BPIFB3: variants seen among roughly 807,000 people sequenced by gnomAD.
BPIFB3 encodes BPI fold containing family B member 3.
Under a neutral mutation model 53.1 loss-of-function variants are expected in BPIFB3, and 49 were observed. The observed-to-expected ratio is 0.92, with a 90% CI of 0.73 to 1.17. The LOEUF is 1.17. Ranked by LOEUF, BPIFB3 falls within the 50% of genes most tolerant of loss-of-function variation. The pLI, the probability that BPIFB3 is intolerant of heterozygous loss-of-function variation, is 0.00. For synonymous variants in BPIFB3, 271 were observed against 269.6 expected (o/e 1.01, Z -0.05); for missense variants, 628 against 592.5 (o/e 1.06, Z -0.62).
chr20:33,055,748 G>A (rs1162300038), intron 1 of BPIFB3, among the ~76,000 whole-genome samples: 1 of 152,162 alleles, frequency 6.6e-6, no homozygotes, highest in African/African-American at 2.4e-5. Context: ...TCCCTCTTAC[G>A]GGAGGTGGAC....
In BPIFB3 at chr20:33,055,541, G is replaced by A. The variant is rs751218546; in HGVS notation, c.118G>A (p.Gly40Ser). Residue 40 changes from glycine (G) to serine (S), a missense_variant, in exon 1 of 15, where the codon GGC (glycine) becomes AGC (serine). By Grantham distance (56) the Gly-to-Ser change is moderately conservative. Transcript: ENST00000375494. ...CGCTCGGATTGACAAGGATGAACTC[G>A]GCAAAGGTGAGCCCCAGGTGGGCAG... The A allele has an allele frequency of 9.3e-6, 15 of 1,613,438 alleles. No individual in the cohort carries two copies. The highest frequency in any genetic ancestry group is 6.7e-5 in the East Asian group (3 of 44,882).
exon 6 of BPIFB3, chr20:33,063,666 G>C: frequency 3.1e-6 from 5 of 1,613,888 alleles, no homozygotes; most frequent in Non-Finnish European, 4.2e-6. Flanking sequence ...GCTCCTGGGG[G>C]CTGTGCTGGG....
At chr20:33,061,372 A>T (rs1257147348) in intron 4 of BPIFB3, among the ~76,000 whole-genome samples, 3 of 151,928 alleles carry the variant, frequency 2.0e-5, no homozygotes, top group Admixed American at 2.0e-4. Flanking sequence ...TCATTCATTC[A>T]TCTAACAAAT....
chr20:33,056,526 T>C lies in BPIFB3; in HGVS notation c.125-16T>C. ...TTGGAGTTTCTAGTACCTTCCTACT[T>C]CCACTCTCTCTGCAGCCATCCAGAA... On this transcript the variant is annotated splice_polypyrimidine_tract_variant and intron_variant, in intron 1 of 14. Transcript: ENST00000375494. 6.2e-7 allele frequency: 1 copy of C among 1,613,538 alleles called. No individual in the cohort carries two copies. The highest frequency in any genetic ancestry group is 8.5e-7 in the Non-Finnish European group (1 of 1,179,932).
At chr20:33,068,182 C>T (rs1213398313) in intron 9 of BPIFB3, among the ~76,000 whole-genome samples, 1 of 152,192 alleles carries the variant, frequency 6.6e-6, no homozygotes, top group Non-Finnish European at 1.5e-5. Flanking sequence ...CAAGGGGTTG[C>T]CATTCTGCTG....
At chr20:33,063,765 C>A in intron 6 of BPIFB3, 90 bp downstream of exon 7, 2 of 1,365,072 alleles carry the variant, frequency 1.5e-6, no homozygotes, top group Non-Finnish European at 2.0e-6. Flanking sequence ...GAGCCAGAAG[C>A]GGCAGGATCT....
At position 33,071,308 on chromosome 20, in the gene BPIFB3, G is replaced by A; in HGVS notation, c.1260+13G>A. ...CCATGCCTTTGACGTAAGTTCCTGG[G>A]AGGGTGAGGGGCTTGGCAGTGATGA... is the stretch of plus-strand genomic sequence containing the variant. On this transcript the variant is annotated intron_variant, in intron 12 of 14. Transcript: ENST00000375494. The A allele has an allele frequency of 1.9e-6, 3 of 1,558,224 alleles. No homozygotes were observed. The highest frequency in any genetic ancestry group is 2.4e-5 in the South Asian group (2 of 84,456).
chr20:33,062,527 G>T (rs1201485610), intron 5 of BPIFB3, among the ~76,000 whole-genome samples: 1 of 152,166 alleles, frequency 6.6e-6, no homozygotes, highest in Non-Finnish European at 1.5e-5. Flanking sequence ...AGGAGGAGGG[G>T]CCCCTAAGCA....
chr20:33,068,772 G>T (rs1206784811), intron 9 of BPIFB3, 31 bp from the exon 11 acceptor site: 1 of 1,602,070 alleles, frequency 6.2e-7, no homozygotes, highest in East Asian at 2.2e-5. Context: ...TAGTCCTGGG[G>T]CATCTAAGTT....
chr20:33,060,897 C>T (rs1350981884), intron 4 of BPIFB3, among the ~76,000 whole-genome samples: 1 of 152,168 alleles, frequency 6.6e-6, no homozygotes, highest in East Asian at 1.9e-4. Flanking sequence ...ACCATGGAGG[C>T]CCAGAGGTCT....
In BPIFB3 at chr20:33,063,749, G is replaced by A. The variant is rs897858538; in HGVS notation, c.652+74G>A. 4.3e-5 allele frequency: 63 copies of A among 1,472,162 alleles called. No individual in the cohort carries two copies. The East Asian group carries it at 1.0e-3, about 24-fold the overall frequency. 91.2% of individuals were successfully genotyped at this position (1,472,162 alleles called of 1,614,324 possible). On this transcript the variant is annotated intron_variant, in intron 6 of 14. Coordinates refer to ENST00000375494, the Ensembl canonical transcript of BPIFB3. The stretch of plus-strand genomic sequence containing the variant: ...GTATGACCCCAATGGGGTAGGGTAC[G>A]AAGGGGAGCCAGAAGCGGCAGGATC...
chr20:33,067,920 C>T (rs145053475), intron 9 of BPIFB3, among the ~76,000 whole-genome samples: 16 of 152,306 alleles, frequency 1.1e-4, no homozygotes, highest in Admixed American at 3.9e-4. Flanking sequence ...CTTGAGGAAA[C>T]CTAGACTCAA....
At chr20:33,059,393 G>A (rs746052534) in exon 3 of BPIFB3, 6 of 1,611,748 alleles carry the variant, frequency 3.7e-6, no homozygotes, top group Non-Finnish European at 5.1e-6. Flanking sequence ...AGATTGAGGA[G>A]CTCACGCTGC....
exon 11 of BPIFB3, chr20:33,069,889 T>C: frequency 6.2e-7 from 1 of 1,614,186 alleles, no homozygotes; most frequent in Non-Finnish European, 8.5e-7. Flanking sequence ...CCCATGCAGG[T>C]CATGACTGTG....
intron 5 of BPIFB3, 147 bp from the exon 7 acceptor site, chr20:33,063,468 C>T (rs2146385692): frequency 1.2e-6 from 1 of 805,792 alleles, no homozygotes; most frequent in East Asian, 2.8e-5. Flanking sequence ...CTGCCTCCCA[C>T]CTGTGTGTCT....
chr20:33,071,118 AAGGCTGGATAGAGGCAG>A, intron 11 of BPIFB3, 118 bp from the exon 13 acceptor site: 1 of 948,584 alleles, frequency 1.1e-6, no homozygotes, highest in Non-Finnish European at 1.5e-6. Context: ...TCTCTGAGTC[AAGGCTGGATAGAGGCAG>A]AGTGTTGGGC....
exon 4 of BPIFB3, chr20:33,059,940 C>A (rs137930923): frequency 5.0e-6 from 8 of 1,614,006 alleles, no homozygotes; most frequent in Middle Eastern, 1.6e-4. Context: ...CGTGACATCG[C>A]GGGTGGCGCT....
At position 33,071,351 on chromosome 20, in the gene BPIFB3, A is replaced by T. The variant is rs1269331237; in HGVS notation, c.1260+56A>T. 4.6e-6 allele frequency: 7 copies of T among 1,538,294 alleles called. No homozygotes were observed. In the African/African-American group the frequency reaches 6.9e-5, roughly 15 times the overall value. ...AGTGATGAGAGTCTTCAGGTGTGGCATGGAAAGGGGGTGGCCATGAGTCAT... is the reference window on the plus strand; with the variant it reads ...AGTGATGAGAGTCTTCAGGTGTGGCTTGGAAAGGGGGTGGCCATGAGTCAT... On this transcript the variant is annotated intron_variant, in intron 12 of 14. Transcript: ENST00000375494.
chr20:33,055,107 A>T (rs1980135598), upstream of BPIFB3, among the ~76,000 whole-genome samples: 2 of 152,116 alleles, frequency 1.3e-5, no homozygotes. Flanking sequence ...TTGAATTCTG[A>T]CTGTCTCTGA....
Sources: allele counts gnomAD v4.1 joint callset (sites outside exome capture counted in the v4.1 genomes callset), GRCh38; gene constraint gnomAD v4.1.1; transcripts MANE v1.5; gene names NCBI Gene and HGNC (gene_info 2026-07-23, HGNC 2026-07-21).